PDE1A: variants seen among roughly 807,000 people sequenced by gnomAD.
PDE1A encodes the protein dual specificity calcium/calmodulin-dependent 3',5'-cyclic nucleotide phosphodiesterase 1A.
PDE1A carries 35 observed loss-of-function variants against 61.7 expected under a neutral mutation model. That is an observed-to-expected ratio of 0.57 (90% confidence interval 0.43 to 0.75). The LOEUF (loss-of-function observed/expected upper bound fraction) is 0.75. PDE1A is among the 30% of genes least tolerant of loss of function. The pLI, the probability that PDE1A is intolerant of heterozygous loss-of-function variation, is 0.00. For missense variants in PDE1A, 597 were observed against 630.6 expected (o/e 0.95, Z 0.57); for synonymous variants, 232 against 213.2 (o/e 1.09, Z -0.77).
the PDE1A span, among the ~76,000 whole-genome samples, chr2:182,682,126 C>T: frequency 6.6e-6 from 1 of 152,132 alleles, no homozygotes; most frequent in Non-Finnish European, 1.5e-5. Context: ...TGACTGTCTA[C>T]AATGTGAACT....
chr2:182,557,361 T>A, the PDE1A span, among the ~76,000 whole-genome samples: 65 of 152,364 alleles, frequency 4.3e-4, no homozygotes, highest in Non-Finnish European at 7.6e-4. Flanking sequence ...ATAATTTCTC[T>A]GCACTGTCAT....
chr2:182,358,593 T>A (rs1435450230), intron 1 of PDE1A, among the ~76,000 whole-genome samples: 1 of 152,196 alleles, frequency 6.6e-6, no homozygotes, highest in African/African-American at 2.4e-5. Flanking sequence ...TCATGCTATA[T>A]TATAGTTGCA....
the PDE1A span, among the ~76,000 whole-genome samples, chr2:182,573,990 CAA>C: frequency 1.4e-5 from 2 of 144,646 alleles, no homozygotes; most frequent in African/African-American, 5.2e-5. Context: ...CACACACACA[CAA>C]ACATATATAT....
intron 1 of PDE1A, among the ~76,000 whole-genome samples, chr2:182,347,483 T>C (rs1381341096): frequency 6.6e-6 from 1 of 152,160 alleles, no homozygotes; most frequent in Non-Finnish European, 1.5e-5. Context: ...ATTAAAATTA[T>C]GTTTCCCTCC....
At chr2:182,553,685 G>C in the PDE1A span, among the ~76,000 whole-genome samples, 1 of 152,200 alleles carries the variant, frequency 6.6e-6, no homozygotes, top group Non-Finnish European at 1.5e-5. Context: ...TAACTTGCCT[G>C]GGAGGAGTTG....
intron 2 of PDE1A, among the ~76,000 whole-genome samples, chr2:182,451,563 T>A (rs1390255542): frequency 6.6e-6 from 1 of 152,120 alleles, no homozygotes; most frequent in Non-Finnish European, 1.5e-5. Context: ...TTTTTTAAAA[T>A]GTTAATTTTT....
At chr2:182,265,613 C>T (rs999458125) in intron 1 of PDE1A, among the ~76,000 whole-genome samples, 15 of 152,010 alleles carry the variant, frequency 9.9e-5, no homozygotes, top group African/African-American at 3.4e-4. Context: ...GTATTAAGCC[C>T]CAAGCCTTGA....
Position 182,312,723 on chromosome 2 carries a change from G to A in PDE1A, c.54-48309C>T, listed in dbSNP as rs79410074. Among the ~76,000 whole-genome samples the A allele has an allele frequency of 2.4e-4, 36 of 151,956 alleles. No individual in the cohort carries two copies. The East Asian group carries it at 4.6e-3, about 20-fold the overall frequency. On this transcript the variant is annotated intron_variant, in intron 1 of 13. Coordinates refer to ENST00000351439, the Ensembl canonical transcript of PDE1A. The stretch of plus-strand genomic sequence containing the variant: ...GTAGCTTTTAATCAATCTTGAAATC[G>A]GGTAGTGTCAGTCTTCTAACTTCGT...
intron 1 of PDE1A, among the ~76,000 whole-genome samples, chr2:182,376,923 G>A (rs1375304562): frequency 6.6e-6 from 1 of 152,128 alleles, no homozygotes; most frequent in Non-Finnish European, 1.5e-5. Flanking sequence ...GATTTCGTGA[G>A]ACTTATTCAC....
At chr2:182,459,535 G>A (rs1335591791) in intron 2 of PDE1A, among the ~76,000 whole-genome samples, 1 of 152,104 alleles carries the variant, frequency 6.6e-6, no homozygotes. Flanking sequence ...AAAGGATACT[G>A]GGTGGTTGCA....
At chr2:182,395,184 A>T (rs1701632936) in intron 1 of PDE1A, among the ~76,000 whole-genome samples, 1 of 152,226 alleles carries the variant, frequency 6.6e-6, no homozygotes, top group African/African-American at 2.4e-5. Flanking sequence ...AGGCTGCTAG[A>T]AGCAATTTGC....
chr2:182,555,408 T>A, the PDE1A span, among the ~76,000 whole-genome samples: 1 of 152,232 alleles, frequency 6.6e-6, no homozygotes, highest in African/African-American at 2.4e-5. Context: ...CCACCTGCCA[T>A]AACTAGTAAA....
the PDE1A span, among the ~76,000 whole-genome samples, chr2:182,616,491 AG>A: frequency 6.6e-6 from 1 of 152,236 alleles, no homozygotes; most frequent in African/African-American, 2.4e-5. Context: ...AGTTGAGTAA[AG>A]TCTCATGACA....
chr2:182,541,299 C>A, the PDE1A span, among the ~76,000 whole-genome samples: 1 of 152,192 alleles, frequency 6.6e-6, no homozygotes, highest in African/African-American at 2.4e-5. Flanking sequence ...GGCCCTACTC[C>A]TTGCTAATGA....
the PDE1A span, among the ~76,000 whole-genome samples, chr2:182,600,508 T>A: frequency 2.0e-5 from 3 of 152,234 alleles, no homozygotes; most frequent in African/African-American, 7.2e-5. Flanking sequence ...CAGAAACATA[T>A]CTTCAGGTTT....
intron 8 of PDE1A, 33 bp from the exon 9 acceptor site, chr2:182,201,822 C>T (rs1389195520): frequency 2.2e-6 from 3 of 1,374,398 alleles, no homozygotes; most frequent in Admixed American, 2.0e-5. Flanking sequence ...AAGGTTCATT[C>T]AGCCATTTAT....
chr2:182,666,668 G>A, the PDE1A span, among the ~76,000 whole-genome samples: 7 of 151,894 alleles, frequency 4.6e-5, no homozygotes, highest in Non-Finnish European at 1.0e-4. Context: ...TGACAAGGTA[G>A]CAAGAAACAG....
At chr2:182,361,675 C>T (rs927725485) in intron 1 of PDE1A, among the ~76,000 whole-genome samples, 2 of 151,972 alleles carry the variant, frequency 1.3e-5, no homozygotes, top group Admixed American at 1.3e-4. Context: ...TTTTAAATTG[C>T]TCACAAAACA....
intron 1 of PDE1A, among the ~76,000 whole-genome samples, chr2:182,407,609 T>TCCCACA (rs1230519529): frequency 6.6e-6 from 1 of 152,122 alleles, no homozygotes; most frequent in East Asian, 1.9e-4. Flanking sequence ...CTCAAACCCC[T>TCCCACA]GGCCTCAAGT....
Sources: gnomAD v4.1 joint callset for allele counts (sites outside exome capture counted in the v4.1 genomes callset) on GRCh38, gnomAD v4.1.1 for gene constraint, MANE v1.5 for transcripts, NCBI Gene and HGNC (gene_info 2026-07-23, HGNC 2026-07-21) for gene names.